Variants in TXNDC16 observed in about 807,000 individuals in gnomAD.
TXNDC16 encodes the protein thioredoxin domain-containing protein 16.
In TXNDC16, 74 loss-of-function variants were observed where a neutral mutation model predicts 85.6. That is an observed-to-expected ratio of 0.86 (90% CI 0.72 to 1.05). The LOEUF is 1.05. TXNDC16 is among the 50% of genes least tolerant of loss of function. The probability of loss-of-function intolerance (pLI) is 0.00; values close to 1 mark genes in which losing one functional copy is unlikely to be tolerated. For synonymous variants in TXNDC16, 335 were observed against 326.5 expected (o/e 1.03, Z -0.28); for missense variants, 959 against 947.0 (o/e 1.01, Z -0.17).
rs2034894538 is a variant in TXNDC16, at chr14:52,431,519, T to A, written c.*785A>T. 3 of 152,208 alleles carry A rather than the reference T, an allele frequency of 2.0e-5. No individual in the cohort carries two copies. The highest frequency in any genetic ancestry group is 2.0e-4 in the Admixed American group (3 of 15,280). 9.4% of individuals were successfully genotyped at this position (152,208 alleles called of 1,614,324 possible). A position where few individuals can be genotyped will look rare whatever the true frequency, so the allele number is the denominator to read the frequency against. On this transcript the variant is annotated 3_prime_UTR_variant, in exon 21 of 21. Coordinates refer to ENST00000281741, the MANE Select transcript of TXNDC16 (RefSeq NM_020784.3). Reference sequence around the variant, plus strand: ...CCAAAATTTTTTCAAACATGATACGTGAGCAGAACCAGGAAATTCTGGAAA... The same window carrying A: ...CCAAAATTTTTTCAAACATGATACGAGAGCAGAACCAGGAAATTCTGGAAA...
chr14:52,490,946 T>C lies in TXNDC16; in HGVS notation c.816A>G (p.Pro272=). The C allele has an allele frequency of 1.2e-6, 2 of 1,607,628 alleles. No homozygotes were observed. The highest frequency in any genetic ancestry group is 3.3e-4 in the Middle Eastern group (2 of 6,040). The change falls in exon 10 of 21, where the codon CCA becomes CCG. Residue 272 remains proline (P), a synonymous_variant. Transcript: ENST00000281741. ...VSTVHLQLGL[P]LVFIVSQQAT... ...CCTGTTGGCTAACAATAAAAACCAG[T>C]GGTAAGCCCAGTTGGAGATGGACAG...
intron 9 of TXNDC16, among the ~76,000 whole-genome samples, chr14:52,505,743 G>C (rs562088821): frequency 2.6e-5 from 4 of 152,084 alleles, no homozygotes; most frequent in East Asian, 1.9e-4. Context: ...CTGAAGGAGA[G>C]AGACACAAAA....
chr14:52,490,841 T>C lies in TXNDC16; in HGVS notation c.921A>G (p.Leu307=). The C allele has an allele frequency of 6.2e-7, 1 of 1,608,046 alleles. No homozygotes were observed. Among genetic ancestry groups the C allele is most frequent in the Non-Finnish European group, 8.5e-7 (1 of 1,178,638 alleles). ...LLGKAGVLLL[L]RDSLEVNIPQ... is the part of the protein sequence containing the mutation. ...TAAATATTCGATGTTTAAGATACCTTAACAAGAGTAGAACTCCTGCTTTTC... is the reference window on the plus strand; with the variant it reads ...TAAATATTCGATGTTTAAGATACCTCAACAAGAGTAGAACTCCTGCTTTTC... Residue 307 remains leucine, a splice_region_variant and synonymous_variant, in exon 10 of 21, where the codon TTA becomes TTG. Transcript: ENST00000281741.
intron 6 of TXNDC16, among the ~76,000 whole-genome samples, chr14:52,526,912 G>A (rs1282516602): frequency 1.3e-5 from 2 of 152,172 alleles, no homozygotes; most frequent in African/African-American, 4.8e-5. Flanking sequence ...AACCGCAAAG[G>A]GAGAGGGCTT....
intron 14 of TXNDC16, among the ~76,000 whole-genome samples, chr14:52,470,981 A>G (rs1389681206): frequency 6.6e-6 from 1 of 152,188 alleles, no homozygotes; most frequent in East Asian, 1.9e-4. Flanking sequence ...ACACAACCTC[A>G]ATAACCATAG....
chr14:52,537,700 C>T, intron 4 of TXNDC16, 28 bp from the exon 5 acceptor site: 1 of 1,343,636 alleles, frequency 7.4e-7, no homozygotes, highest in South Asian at 1.2e-5. Context: ...TAAGTTTTAG[C>T]ATATATATCA....
At chr14:52,463,647 C>T (rs1198218985) in intron 16 of TXNDC16, among the ~76,000 whole-genome samples, 2 of 152,164 alleles carry the variant, frequency 1.3e-5, no homozygotes, top group African/African-American at 2.4e-5. Context: ...TTGACCAAAA[C>T]TTGGTGAGTG....
rs2034924991 is a variant in TXNDC16, at chr14:52,432,482, C to G, written c.2300G>C (p.Cys767Ser). ...SQRGTRKVPK[C>S]MKETDVQEND... Reference sequence around the variant, plus strand: ...CTCCTGCACATCTGTTTCTTTCATACACTTGGGAACTTTCCTAGTGCCACG... The same window carrying G: ...CTCCTGCACATCTGTTTCTTTCATAGACTTGGGAACTTTCCTAGTGCCACG... The change falls in exon 21 of 21, where the codon TGT becomes TCT. Residue 767 changes from cysteine (C) to serine (S), a missense_variant. By Grantham distance (112) the Cys-to-Ser change is moderately radical (BLOSUM62 -1). Transcript: ENST00000281741. 4 of 1,613,896 alleles carry G rather than the reference C, an allele frequency of 2.5e-6. No homozygotes were observed. The highest frequency in any genetic ancestry group is 1.7e-5 in the Admixed American group (1 of 59,998).
At chr14:52,546,158 A>C (rs1318963084) in intron 1 of TXNDC16, among the ~76,000 whole-genome samples, 3 of 152,058 alleles carry the variant, frequency 2.0e-5, no homozygotes, top group Non-Finnish European at 2.9e-5. Context: ...ATGGTGGCAC[A>C]CACCTGTAGT....
intron 7 of TXNDC16, among the ~76,000 whole-genome samples, chr14:52,517,566 C>T (rs1260372750): frequency 6.6e-6 from 1 of 152,130 alleles, no homozygotes; most frequent in East Asian, 1.9e-4. Flanking sequence ...ACCCACTTGG[C>T]TGAATGGATG....
intron 1 of TXNDC16, among the ~76,000 whole-genome samples, chr14:52,551,251 T>A (rs1326619314): frequency 2.0e-5 from 3 of 151,550 alleles, no homozygotes; most frequent in African/African-American, 7.3e-5. Flanking sequence ...GCAACACTCT[T>A]CTTGGGCAAA....
chr14:52,493,954 T>C lies in TXNDC16; in HGVS notation c.757-2949A>G, dbSNP rs185124115. 1.1e-3 allele frequency among the ~76,000 whole-genome samples: 168 copies of C among 151,932 alleles called. 1 individual carries two copies. The highest frequency in any genetic ancestry group is 3.9e-3 in the African/African-American group (163 of 41,418). ...CATCACCAAGCCCAGCTAATTTTTATATATTTTGTAGAGATGGGGTCTCGC... is the reference window on the plus strand; with the variant it reads ...CATCACCAAGCCCAGCTAATTTTTACATATTTTGTAGAGATGGGGTCTCGC... On this transcript the variant is annotated intron_variant, in intron 9 of 20. Transcript: ENST00000281741.
chr14:52,466,641 C>T (rs138108693), intron 16 of TXNDC16, among the ~76,000 whole-genome samples: 2 of 151,756 alleles, frequency 1.3e-5, no homozygotes, highest in Admixed American at 6.6e-5. Flanking sequence ...CCGAGATAGG[C>T]GGATCACAAG....
intron 1 of TXNDC16, among the ~76,000 whole-genome samples, chr14:52,547,639 T>C (rs1181811067): frequency 6.6e-6 from 1 of 152,194 alleles, no homozygotes; most frequent in Non-Finnish European, 1.5e-5. Context: ...GTCTGGTGTG[T>C]GTTTTCCATT....
intron 18 of TXNDC16, among the ~76,000 whole-genome samples, chr14:52,442,522 ACTTTCC>A (rs2035190694): frequency 6.6e-6 from 1 of 152,098 alleles, no homozygotes; most frequent in South Asian, 2.1e-4. Context: ...CTGGCATATA[ACTTTCC>A]CTTTTCAGTT....
chr14:52,530,477 A>ATATATAATAATATAATATATAAT (rs2037523022), intron 6 of TXNDC16, among the ~76,000 whole-genome samples: 1 of 11,752 alleles, frequency 8.5e-5, no homozygotes, highest in African/African-American at 4.9e-4. Context: ...ATATATTATT[A>ATATATAATAATATAATATATAAT]TATATAATAT....
chr14:52,486,733 T>C (rs1312100602), intron 12 of TXNDC16, among the ~76,000 whole-genome samples: 1 of 152,090 alleles, frequency 6.6e-6, no homozygotes, highest in Non-Finnish European at 1.5e-5. Context: ...TGGGCCAGTA[T>C]GGATTACTGA....
chr14:52,439,010 A>G (rs1015372902), intron 20 of TXNDC16, among the ~76,000 whole-genome samples, 194 bp downstream of exon 20: 5 of 152,200 alleles, frequency 3.3e-5, no homozygotes, highest in Admixed American at 2.6e-4. Context: ...AAAATTCAAG[A>G]AACAGGCCTT....
intron 4 of TXNDC16, 106 bp downstream of exon 4, chr14:52,542,265 T>G: frequency 1.4e-6 from 1 of 738,402 alleles, no homozygotes; most frequent in Non-Finnish European, 2.2e-6. Flanking sequence ...ATATTTCCAG[T>G]TTGGAAAAAG....
Sources: allele counts gnomAD v4.1 joint callset (sites outside exome capture counted in the v4.1 genomes callset), GRCh38; gene constraint gnomAD v4.1.1; transcripts MANE v1.5; gene names NCBI Gene and HGNC (gene_info 2026-07-23, HGNC 2026-07-21).